The following TENM3 variants were observed in gnomAD, a reference collection of about 807,000 sequenced individuals.
TENM3 encodes teneurin transmembrane protein 3.
In TENM3, 63 loss-of-function variants were observed where a neutral mutation model predicts 255.1. The ratio of observed to expected loss-of-function variants is 0.25; its 90% CI spans 0.20 to 0.30. TENM3 has a LOEUF of 0.30. Ranked by LOEUF, TENM3 falls within the 10% of genes least tolerant of loss-of-function variation. The pLI is 1.00. For synonymous variants in TENM3, 1,306 were observed against 1,322.3 expected, an observed-to-expected ratio of 0.99 and a Z score of 0.27; for missense variants, 2,929 against 3,461.1, an observed-to-expected ratio of 0.85 and a Z score of 3.86.
At chr4:181,908,679 A>C in the TENM3 span, among the ~76,000 whole-genome samples, 1 of 152,156 alleles carries the variant, frequency 6.6e-6, no homozygotes. Context: ...CATTATGTAA[A>C]ATTTTTATTC....
At chr4:182,031,385 A>G in the TENM3 span, among the ~76,000 whole-genome samples, 1 of 151,962 alleles carries the variant, frequency 6.6e-6, no homozygotes, top group Admixed American at 6.6e-5. Flanking sequence ...CCTATTTCTG[A>G]GTTCTCTTTT....
the TENM3 span, among the ~76,000 whole-genome samples, chr4:181,464,325 C>G: frequency 6.6e-6 from 1 of 152,128 alleles, no homozygotes; most frequent in African/African-American, 2.4e-5. Context: ...CATTGTCTGT[C>G]CTTTTTATTT....
intron 1 of TENM3, among the ~76,000 whole-genome samples, chr4:182,162,086 G>T (rs1245216326): frequency 2.0e-5 from 3 of 149,710 alleles, no homozygotes; most frequent in Non-Finnish European, 3.0e-5. Context: ...GTCTTGCTAT[G>T]TTGTGCAGGC....
chr4:182,209,322 T>A (rs939078411), intron 1 of TENM3, among the ~76,000 whole-genome samples: 1 of 148,672 alleles, frequency 6.7e-6, no homozygotes, highest in Non-Finnish European at 1.5e-5. Context: ...ACTGCCATGC[T>A]CTACCTCCCA....
At chr4:182,363,211 C>A (rs1766153244) in intron 3 of TENM3, among the ~76,000 whole-genome samples, 1 of 152,114 alleles carries the variant, frequency 6.6e-6, no homozygotes, top group African/African-American at 2.4e-5. Context: ...GGATTGCTGT[C>A]AGGACTAGTC....
At chr4:181,632,222 G>A in the TENM3 span, among the ~76,000 whole-genome samples, 2 of 152,192 alleles carry the variant, frequency 1.3e-5, no homozygotes, top group Non-Finnish European at 2.9e-5. Flanking sequence ...GCAGGAGAGA[G>A]AGAGTGGAGT....
At chr4:182,053,255 A>G in the TENM3 span, among the ~76,000 whole-genome samples, 1 of 152,178 alleles carries the variant, frequency 6.6e-6, no homozygotes, top group African/African-American at 2.4e-5. Flanking sequence ...TTTCCCATTC[A>G]TTATCTCATT....
chr4:182,655,948 C>T (rs574147387), intron 6 of TENM3, among the ~76,000 whole-genome samples: 13 of 152,192 alleles, frequency 8.5e-5, no homozygotes, highest in African/African-American at 2.6e-4. Flanking sequence ...TTTTAACAAA[C>T]GCCACTTGCA....
At chr4:181,481,791 C>T in the TENM3 span, among the ~76,000 whole-genome samples, 16 of 152,190 alleles carry the variant, frequency 1.1e-4, no homozygotes, top group African/African-American at 2.2e-4. Context: ...AGGAGAGATA[C>T]GTATTCTATG....
chr4:182,571,868 G>A (rs914394288), intron 3 of TENM3, among the ~76,000 whole-genome samples: 1 of 152,090 alleles, frequency 6.6e-6, no homozygotes, highest in Non-Finnish European at 1.5e-5. Context: ...GACCACTGTG[G>A]CACACAGCAA....
At chr4:182,199,421 CA>C (rs1406062713) in intron 1 of TENM3, among the ~76,000 whole-genome samples, 3 of 151,572 alleles carry the variant, frequency 2.0e-5, no homozygotes, top group Non-Finnish European at 4.4e-5. Flanking sequence ...GACTCCATCT[CA>C]AAAAACAAAA....
At chr4:181,906,345 T>C in the TENM3 span, 3 of 202,136 alleles carry the variant, frequency 1.5e-5, no homozygotes, top group Admixed American at 4.5e-5. Flanking sequence ...TCTGTTCAAG[T>C]GTCTCCTCCT....
At chr4:182,045,906 G>A in the TENM3 span, among the ~76,000 whole-genome samples, 1 of 152,158 alleles carries the variant, frequency 6.6e-6, no homozygotes, top group Non-Finnish European at 1.5e-5. Context: ...AAAGTAACCA[G>A]ATATATTGGC....
At chr4:181,484,039 A>G in the TENM3 span, among the ~76,000 whole-genome samples, 1 of 151,866 alleles carries the variant, frequency 6.6e-6, no homozygotes, top group Non-Finnish European at 1.5e-5. Context: ...TGCACATTTG[A>G]TTTTTTTTAA....
At chr4:182,012,115 G>C in the TENM3 span, among the ~76,000 whole-genome samples, 48 of 152,308 alleles carry the variant, frequency 3.2e-4, no homozygotes, top group Non-Finnish European at 4.4e-4. Flanking sequence ...TCACAGAACA[G>C]AGACAAGCAA....
chr4:182,376,770 A>C (rs907522405), intron 3 of TENM3, among the ~76,000 whole-genome samples: 3 of 151,028 alleles, frequency 2.0e-5, no homozygotes, highest in African/African-American at 7.3e-5. Flanking sequence ...TGGTCAAATT[A>C]CTTTTTTTTT....
At chr4:182,392,113 A>G (rs1768468760) in intron 3 of TENM3, among the ~76,000 whole-genome samples, 1 of 152,158 alleles carries the variant, frequency 6.6e-6, no homozygotes, top group Admixed American at 6.5e-5. Context: ...TTTATCTATA[A>G]TGTTCTTTTA....
At chr4:182,562,329 A>G (rs573767747) in intron 3 of TENM3, among the ~76,000 whole-genome samples, 1 of 152,144 alleles carries the variant, frequency 6.6e-6, no homozygotes, top group Admixed American at 6.5e-5. Flanking sequence ...GTGTCACGGG[A>G]TGGTGAGTGC....
intron 3 of TENM3, among the ~76,000 whole-genome samples, chr4:182,372,992 G>A (rs528012760): frequency 6.6e-5 from 10 of 152,058 alleles, no homozygotes; most frequent in South Asian, 4.2e-4. Context: ...TGCCTGCCTC[G>A]GCCTCCCAAA....
Sources: gnomAD v4.1 joint callset for allele counts (sites outside exome capture counted in the v4.1 genomes callset) on GRCh38, gnomAD v4.1.1 for gene constraint, MANE v1.5 for transcripts, NCBI Gene and HGNC (gene_info 2026-07-23, HGNC 2026-07-21) for gene names.